Variants in ALDH1A1 observed in about 807,000 individuals in gnomAD.
ALDH1A1 encodes the protein aldehyde dehydrogenase 1A1.
Under a neutral mutation model 62.1 loss-of-function variants are expected in ALDH1A1, and 19 were observed. The ratio of observed to expected loss-of-function variants is 0.31; its 90% CI spans 0.21 to 0.45. The LOEUF (loss-of-function observed/expected upper bound fraction) is 0.45. Among genes scored for constraint, ALDH1A1 ranks in the 20% least tolerant of loss-of-function variants. The pLI is 1.00. For synonymous variants in ALDH1A1, 231 were observed against 215.9 expected, an observed-to-expected ratio of 1.07 and a Z score of -0.61; for missense variants, 521 against 607.1, an observed-to-expected ratio of 0.86 and a Z score of 1.49.
Position 72,940,164 on chromosome 9 carries a change from A to G in ALDH1A1, c.155T>C (p.Val52Ala). The G allele has an allele frequency of 6.2e-7, 1 of 1,612,744 alleles. No individual in the cohort carries two copies. The highest frequency in any genetic ancestry group is 8.5e-7 in the Non-Finnish European group (1 of 1,178,886). ...GAAACTCACCTTATCTCCTTCTTCT[A>G]CCTGGCAGAGCTCCTCCTCAGTTGC... ...NPATEEELCQ[V>A]EEGDKEDVDK... The change falls in exon 2 of 13, where the codon GTA (valine) becomes GCA (alanine). Residue 52 changes from valine (V) to alanine (A), a missense_variant. By Grantham distance (64) the Val-to-Ala change is moderately conservative (BLOSUM62 0). Coordinates refer to ENST00000297785, the MANE Select transcript of ALDH1A1 (RefSeq NM_000689.5).
chr9:72,917,654 C>T (rs1005005637), intron 8 of ALDH1A1, among the ~76,000 whole-genome samples: 3 of 152,070 alleles, frequency 2.0e-5, no homozygotes, highest in Admixed American at 6.5e-5. Flanking sequence ...TTTATTCCAT[C>T]AAAGACATTT....
chr9:72,946,556 C>T (rs561299175), intron 1 of ALDH1A1, among the ~76,000 whole-genome samples: 3 of 152,010 alleles, frequency 2.0e-5, no homozygotes, highest in East Asian at 1.9e-4. Flanking sequence ...AACATGTCAG[C>T]GTCAGGAAAA....
intron 1 of ALDH1A1, among the ~76,000 whole-genome samples, chr9:72,951,074 C>A (rs8187871): frequency 6.6e-6 from 1 of 151,796 alleles, no homozygotes; most frequent in African/African-American, 2.4e-5. Context: ...AGAAGATGCA[C>A]GAGAAATCAA....
Position 72,925,602 on chromosome 9 carries a change from G to T in ALDH1A1, c.515C>A (p.Pro172Gln). Reference protein sequence around the residue: ...VCGQIIPWNFPLVMLIWKIGP... With the variant: ...VCGQIIPWNFQLVMLIWKIGP... ...TATCTTCCAAATGAGCATAACCAAC[G>T]GGAAATTCCACTAGAAAGCAATATG... Residue 172 changes from proline to glutamine, a missense_variant, in exon 6 of 13, where the codon CCG becomes CAG. Physicochemically the swap from Pro to Gln is moderately conservative, Grantham distance 76 (BLOSUM62 -1). Coordinates refer to ENST00000297785, the MANE Select transcript of ALDH1A1 (RefSeq NM_000689.5). 6.2e-7 allele frequency: 1 copy of T among 1,611,538 alleles called. No homozygotes were observed. Among genetic ancestry groups the T allele is most frequent in the Non-Finnish European group, 8.5e-7 (1 of 1,179,096 alleles).
intron 10 of ALDH1A1, among the ~76,000 whole-genome samples, chr9:72,910,944 G>A (rs1349813910): frequency 1.3e-5 from 2 of 152,114 alleles, no homozygotes; most frequent in Non-Finnish European, 2.9e-5. Flanking sequence ...CTTTGAAGTA[G>A]CAAGCTAGCT....
chr9:72,930,311 A>AT (rs200410298), intron 3 of ALDH1A1, among the ~76,000 whole-genome samples: 4,434 of 152,146 alleles, frequency 0.029, 95 homozygotes, highest in African/African-American at 0.053. Context: ...TAATAATTGG[A>AT]TTTTTTTTAT....
chr9:72,940,030 C>T lies in ALDH1A1; in HGVS notation c.171+118G>A, dbSNP rs1830397491. 1.4e-5 allele frequency: 9 copies of T among 653,430 alleles called. No homozygotes were observed. In the Middle Eastern group the frequency reaches 7.7e-4, roughly 56 times the overall value. 40.5% of individuals were successfully genotyped at this position (653,430 alleles called of 1,614,324 possible). ...CAACTTAGACAATTTTCCTAAGCTGCCCCAGAAACCATATTTTCATGGCAT... is the reference window on the plus strand; with the variant it reads ...CAACTTAGACAATTTTCCTAAGCTGTCCCAGAAACCATATTTTCATGGCAT... On this transcript the variant is annotated intron_variant, in intron 2 of 12. Transcript: ENST00000297785.
At chr9:72,930,856 C>T in intron 3 of ALDH1A1, 23 bp downstream of exon 3, 1 of 1,613,448 alleles carries the variant, frequency 6.2e-7, no homozygotes, top group Non-Finnish European at 8.5e-7. Flanking sequence ...TCTAGCTACC[C>T]ATCCAGCTTG....
At chr9:72,931,253 A>G (rs1830278632) in intron 2 of ALDH1A1, among the ~76,000 whole-genome samples, 1 of 152,210 alleles carries the variant, frequency 6.6e-6, no homozygotes, top group Admixed American at 6.5e-5. Flanking sequence ...TTCCTAGAAT[A>G]TAAGTGTTTT....
At position 72,918,799 on chromosome 9, in the gene ALDH1A1, A is replaced by G; in HGVS notation, c.771T>C (p.Ala257=). ...CCCTCTTCAGATTGCTTTTCCCGGC[A>G]GCTTCTTTGATCAACTTGCCAACCT... The part of the protein sequence containing the change: ...STEVGKLIKE[A]AGKSNLKRVT... Residue 257 remains alanine, a synonymous_variant, in exon 8 of 13, where the codon GCT becomes GCC. Transcript: ENST00000297785. 1 of 1,614,030 alleles carries G rather than the reference A, an allele frequency of 6.2e-7. No individual in the cohort carries two copies. Among genetic ancestry groups the G allele is most frequent in the Non-Finnish European group, 8.5e-7 (1 of 1,179,934 alleles).
chr9:72,934,510 A>C (rs1339237062), intron 2 of ALDH1A1, among the ~76,000 whole-genome samples: 1 of 152,096 alleles, frequency 6.6e-6, no homozygotes, highest in Non-Finnish European at 1.5e-5. Context: ...CATCTCACCT[A>C]TCCAAACTTA....
intron 10 of ALDH1A1, among the ~76,000 whole-genome samples, chr9:72,910,706 A>G (rs1350404763): frequency 6.6e-6 from 1 of 152,152 alleles, no homozygotes. Context: ...GGAAATCTGA[A>G]TGAAGGAAGA....
At chr9:72,926,715 G>A (rs759519252) in intron 5 of ALDH1A1, among the ~76,000 whole-genome samples, 16 of 152,356 alleles carry the variant, frequency 1.1e-4, no homozygotes, top group Non-Finnish European at 2.4e-4. Flanking sequence ...CAATGAGAAA[G>A]TGCGTTGGAG....
intron 1 of ALDH1A1, among the ~76,000 whole-genome samples, chr9:72,950,306 T>A (rs1830529572): frequency 6.6e-6 from 1 of 151,814 alleles, no homozygotes; most frequent in Non-Finnish European, 1.5e-5. Flanking sequence ...AATGATCACA[T>A]AACTTTCAAA....
chr9:72,908,567 GAAAGAAAGAAAGAAAGA>G (rs1564622616), intron 11 of ALDH1A1, among the ~76,000 whole-genome samples: 3 of 43,230 alleles, frequency 6.9e-5, no homozygotes, highest in South Asian at 8.0e-4. Context: ...AAGAAAGAAA[GAAAGAAAGAAAGAAAGA>G]AAGAAAGAAA....
intron 10 of ALDH1A1, among the ~76,000 whole-genome samples, 200 bp downstream of exon 10, chr9:72,911,758 T>G (rs1406574739): frequency 1.3e-5 from 2 of 152,246 alleles, no homozygotes; most frequent in Non-Finnish European, 2.9e-5. Context: ...GCTGAACATT[T>G]GTGGCTGGCC....
chr9:72,918,248 A>C (rs977706099), intron 8 of ALDH1A1, among the ~76,000 whole-genome samples: 6 of 152,230 alleles, frequency 3.9e-5, no homozygotes, highest in African/African-American at 1.2e-4. Flanking sequence ...CTAGGAAAAA[A>C]TATTTAAATA....
intron 1 of ALDH1A1, among the ~76,000 whole-genome samples, chr9:72,940,535 G>T (rs540124767): frequency 6.6e-6 from 1 of 152,256 alleles, no homozygotes; most frequent in Admixed American, 6.5e-5. Flanking sequence ...ACCTGAAATG[G>T]CCATGAATTT....
intron 8 of ALDH1A1, 111 bp downstream of exon 8, chr9:72,918,609 A>G: frequency 3.1e-6 from 2 of 650,338 alleles, no homozygotes; most frequent in South Asian, 4.4e-5. Flanking sequence ...GTTAGAAGCA[A>G]ATGCTTTTTT....
Sources: gnomAD v4.1 joint callset for allele counts (sites outside exome capture counted in the v4.1 genomes callset) on GRCh38, gnomAD v4.1.1 for gene constraint, MANE v1.5 for transcripts, NCBI Gene and HGNC (gene_info 2026-07-23, HGNC 2026-07-21) for gene names.